The following VIRMA variants were observed in gnomAD, a reference collection of about 807,000 sequenced individuals.
VIRMA encodes the protein protein virilizer homolog.
Under a neutral mutation model 182.4 loss-of-function variants are expected in VIRMA, and 65 were observed. The ratio of observed to expected loss-of-function variants is 0.36; its 90% CI spans 0.29 to 0.44. The LOEUF (loss-of-function observed/expected upper bound fraction) is 0.44, where lower values mean the gene tolerates loss of function less well. Ranked by LOEUF, VIRMA falls within the 20% of genes least tolerant of loss-of-function variation. The pLI, the probability that VIRMA is intolerant of heterozygous loss-of-function variation, is 1.00. For missense variants in VIRMA, 1,752 were observed against 2,158.1 expected (o/e 0.81, Z 3.73); for synonymous variants, 709 against 743.1 (o/e 0.95, Z 0.75).
chr8:94,526,242 G>A lies in VIRMA; in HGVS notation c.2002C>T (p.Pro668Ser). The A allele has an allele frequency of 6.2e-7, 1 of 1,612,042 alleles. No individual in the cohort carries two copies. ...TCTTACCTAAAGAGAACAGGGTATG[G>A]ATCATCCCTCTCTGGAGGTCCAGTA... ...RITGPPERDD[P>S]YPVLFRYLHS... Residue 668 changes from proline (P) to serine (S), a missense_variant, in exon 8 of 24, where the codon CCA (proline) becomes TCA (serine). By Grantham distance (74) the Pro-to-Ser change is moderately conservative (BLOSUM62 -1). This residue lies in a region of VIRMA where 401 missense variants were observed against 455.1 expected (regional missense o/e 0.88). Coordinates refer to ENST00000297591, the MANE Select transcript of VIRMA (RefSeq NM_015496.5).
In VIRMA at chr8:94,540,448, T is replaced by C. The variant is rs540944287; in HGVS notation, c.180-2102A>G. On this transcript the variant is annotated intron_variant, in intron 2 of 23. Coordinates refer to ENST00000297591, the MANE Select transcript of VIRMA (RefSeq NM_015496.5). ...GTCTCTTCCTCTTGCCCTTCTTTACTTTTTCTTCTTTTCTTTTTTTTTTTT... is the reference window on the plus strand; with the variant it reads ...GTCTCTTCCTCTTGCCCTTCTTTACCTTTTCTTCTTTTCTTTTTTTTTTTT... 2.4e-3 allele frequency among the ~76,000 whole-genome samples: 338 copies of C among 143,742 alleles called. 1 individual carries two copies. The highest frequency in any genetic ancestry group is 8.7e-3 in the African/African-American group (323 of 37,002). 94.3% of individuals were successfully genotyped at this position (143,742 alleles called of 152,430 possible). A position where few individuals can be genotyped will look rare whatever the true frequency, so the allele number is the denominator to read the frequency against.
chr8:94,520,185 CAAAA>C (rs757063695), intron 8 of VIRMA, among the ~76,000 whole-genome samples: 22 of 82,928 alleles, frequency 2.7e-4, no homozygotes, highest in Admixed American at 3.8e-4. Context: ...GACCCTGCAT[CAAAA>C]AAAAAAAAAA....
rs552827617 is a variant in VIRMA at position 94,509,485 on chromosome 8, C to T, written c.3879+203G>A. On this transcript the variant is annotated intron_variant, in intron 15 of 23. Coordinates refer to ENST00000297591, the MANE Select transcript of VIRMA (RefSeq NM_015496.5). ...CCTAAAAAATACGGAAACACTGGCA[C>T]ATAAAGCAATTACCCAAGGTTATGA... 2.2e-4 allele frequency among the ~76,000 whole-genome samples: 34 copies of T among 151,572 alleles called. No homozygotes were observed. The Middle Eastern group carries it at 0.014, about 61-fold the overall frequency.
intron 8 of VIRMA, among the ~76,000 whole-genome samples, chr8:94,525,712 G>A (rs1480760423): frequency 1.3e-5 from 2 of 152,176 alleles, no homozygotes; most frequent in Admixed American, 6.5e-5. Context: ...TAGGGATGCT[G>A]GTCCTAACAA....
chr8:94,494,591 C>CAAAAAAAAA (rs1175058697), intron 20 of VIRMA, among the ~76,000 whole-genome samples: 1 of 42,924 alleles, frequency 2.3e-5, no homozygotes, highest in African/African-American at 1.0e-4. Context: ...GACTCTGTCT[C>CAAAAAAAAA]AAAAAAAAAA....
rs147465632 is a variant in VIRMA, at chr8:94,490,029, T to C, written c.5194A>G (p.Thr1732Ala). The C allele has an allele frequency of 9.1e-4, 1,467 of 1,614,030 alleles. 2 individuals are homozygous for C. Among genetic ancestry groups the C allele is most frequent in the Non-Finnish European group, 1.2e-3 (1,374 of 1,179,990 alleles). The change falls in exon 23 of 24, where the codon ACT becomes GCT. Residue 1732 changes from threonine (T) to alanine (A), a missense_variant. By Grantham distance (58) the Thr-to-Ala change is moderately conservative. This residue lies in a region of VIRMA where 132 missense variants were observed against 173.8 expected (regional missense o/e 0.76). Coordinates refer to ENST00000297591, the MANE Select transcript of VIRMA (RefSeq NM_015496.5). ...CTTTCATTGTAATTTCCTCGAGGAG[T>C]ATTCTGAGCACTCCAACTGGAGCCT... ...TRGSSWSAQN[T>A]PRGNYNESRG...
Position 94,488,794 on chromosome 8 carries a change from C to T in VIRMA, c.5351G>A (p.Ser1784Asn). 1 of 1,614,228 alleles carries T rather than the reference C, an allele frequency of 6.2e-7. No individual in the cohort carries two copies. Among genetic ancestry groups the T allele is most frequent in the Middle Eastern group, 1.6e-4 (1 of 6,062 alleles). ...GRGGLGPSWA[S>N]ANSGSGGSRG... ...TGAGCCTCCACTGCCGCTATTTGCA[C>T]TAGCCCAGGAAGGTCCAAGTCCCCC... The change falls in exon 24 of 24, where the codon AGT (serine) becomes AAT (asparagine). Residue 1784 changes from serine to asparagine, a missense_variant. By Grantham distance (46) the Ser-to-Asn change is conservative. This residue lies in a region of VIRMA where 132 missense variants were observed against 173.8 expected (regional missense o/e 0.76). Transcript: ENST00000297591.
chr8:94,542,500 A>T (rs1052438091), intron 2 of VIRMA, among the ~76,000 whole-genome samples: 4 of 152,194 alleles, frequency 2.6e-5, no homozygotes, highest in African/African-American at 9.6e-5. Context: ...TGAGATAATA[A>T]ATGTGTAGTT....
chr8:94,553,245 C>A, intron 1 of VIRMA, 140 bp downstream of exon 1: 3 of 820,826 alleles, frequency 3.7e-6, no homozygotes, highest in Non-Finnish European at 6.1e-6. Flanking sequence ...GATGCTCACA[C>A]AGCTCGGGGG....
In VIRMA at chr8:94,527,107, G is replaced by A. The variant is rs563314504; in HGVS notation, c.1137C>T (p.Ile379=). The A allele has an allele frequency of 5.6e-6, 9 of 1,614,066 alleles. No individual in the cohort carries two copies. Among genetic ancestry groups the A allele is most frequent in the Admixed American group, 3.3e-5 (2 of 60,010 alleles). The change falls in exon 8 of 24, where the codon ATC becomes ATT. Residue 379 remains isoleucine (I), a synonymous_variant. Transcript: ENST00000297591. ...QGPDKENSGA[I]EASVKLTELL... ...GTTCTGTTAACTTCACTGAGGCTTCGATTGCCCCTGAATTTTCTTTATCTG... is the reference window on the plus strand; with the variant it reads ...GTTCTGTTAACTTCACTGAGGCTTCAATTGCCCCTGAATTTTCTTTATCTG...
At chr8:94,515,169 T>C (rs1330459263) in intron 10 of VIRMA, among the ~76,000 whole-genome samples, 2 of 151,640 alleles carry the variant, frequency 1.3e-5, no homozygotes, top group Non-Finnish European at 2.9e-5. Flanking sequence ...TAATCTCGGC[T>C]CACTGCAACC....
At chr8:94,550,331 C>T (rs1586119921) in intron 1 of VIRMA, among the ~76,000 whole-genome samples, 1 of 150,650 alleles carries the variant, frequency 6.6e-6, no homozygotes, top group African/African-American at 2.4e-5. Context: ...CTCGCTCTGT[C>T]ACCCAGGCTG....
intron 8 of VIRMA, 42 bp downstream of exon 8, chr8:94,526,181 T>C (rs1253817149): frequency 3.4e-6 from 5 of 1,461,056 alleles, no homozygotes; most frequent in South Asian, 1.3e-5. Context: ...TTGTCTCCAA[T>C]GATTTGTGAA....
chr8:94,543,379 C>A (rs1415420964), intron 2 of VIRMA, among the ~76,000 whole-genome samples: 4 of 88,996 alleles, frequency 4.5e-5, no homozygotes, highest in South Asian at 3.9e-4. Context: ...CCAGCCTGGA[C>A]AACAGGAGCA....
chr8:94,531,016 G>A lies in VIRMA; in HGVS notation c.554C>T (p.Pro185Leu). Residue 185 changes from proline (P) to leucine (L), a missense_variant, in exon 6 of 24, where the codon CCT (proline) becomes CTT (leucine). Physicochemically the swap from Pro to Leu is moderately conservative, Grantham distance 98. Coordinates refer to ENST00000297591, the MANE Select transcript of VIRMA (RefSeq NM_015496.5). The stretch of plus-strand genomic sequence containing the variant: ...ATCATCAGGTGGAGGGGGTCCTGGA[G>A]GAGTTCTTGGTCCCCTTGGCTGTGG... ...PRPQPRGPRT[P>L]PGPPPPDDDE... is the part of the protein sequence containing the mutation. 2 of 1,604,288 alleles carry A rather than the reference G, an allele frequency of 1.2e-6. No homozygotes were observed. The highest frequency in any genetic ancestry group is 1.7e-6 in the Non-Finnish European group (2 of 1,175,536).
intron 2 of VIRMA, among the ~76,000 whole-genome samples, chr8:94,542,516 CT>C (rs1214756067): frequency 2.6e-5 from 4 of 152,194 alleles, no homozygotes; most frequent in South Asian, 2.1e-4. Flanking sequence ...TAGTTTTAAG[CT>C]GCTATATTTG....
At chr8:94,493,237 T>G (rs147436211) in intron 20 of VIRMA, among the ~76,000 whole-genome samples, 5 of 152,296 alleles carry the variant, frequency 3.3e-5, no homozygotes, top group African/African-American at 1.2e-4. Flanking sequence ...AAAAGCTCTA[T>G]GCATTTAATG....
intron 2 of VIRMA, 90 bp from the exon 3 acceptor site, chr8:94,538,436 C>A: frequency 1.3e-6 from 1 of 754,030 alleles, no homozygotes; most frequent in South Asian, 1.7e-5. Context: ...AAGTTAAGAG[C>A]AATTCTAGAA....
rs1480410132 is a variant in VIRMA at position 94,535,018 on chromosome 8, G to C, written c.316-11C>G. On this transcript the variant is annotated splice_polypyrimidine_tract_variant and intron_variant, in intron 4 of 23. Transcript: ENST00000297591. ...ACCATCAGTATTCACCTGATTTTCA[G>C]GGAGGGCAAAAAAAATCTTTCAAAG... 5.2e-6 allele frequency: 8 copies of C among 1,553,176 alleles called. No individual in the cohort carries two copies. In the Middle Eastern group the frequency reaches 5.3e-4, roughly 102 times the overall value.
Sources: allele counts gnomAD v4.1 joint callset (sites outside exome capture counted in the v4.1 genomes callset), GRCh38; gene constraint gnomAD v4.1.1; regional missense constraint gnomAD v4.1.1; transcripts MANE v1.5; gene names NCBI Gene and HGNC (gene_info 2026-07-23, HGNC 2026-07-21).